The following CNTNAP2 variants were observed in gnomAD, a reference collection of about 807,000 sequenced individuals.
CNTNAP2 encodes the protein contactin-associated protein-like 2.
A neutral mutation model predicts 155.2 loss-of-function variants in CNTNAP2; 98 were observed. That is an observed-to-expected ratio of 0.63 (90% confidence interval 0.54 to 0.75). CNTNAP2 has a LOEUF of 0.75. CNTNAP2 is among the 30% of genes least tolerant of loss of function. The pLI is 0.00. For synonymous variants in CNTNAP2, 651 were observed against 631.2 expected (o/e 1.03, Z -0.47); for missense variants, 1,727 against 1,688.1 (o/e 1.02, Z -0.40).
At chr7:146,706,439 C>T (rs1263247122) in intron 1 of CNTNAP2, among the ~76,000 whole-genome samples, 1 of 151,968 alleles carries the variant, frequency 6.6e-6, no homozygotes, top group Non-Finnish European at 1.5e-5. Context: ...GCCTGGATAG[C>T]CAGGGAAGAG....
chr7:146,184,287 A>G (rs1357183390), intron 1 of CNTNAP2, among the ~76,000 whole-genome samples: 1 of 152,226 alleles, frequency 6.6e-6, no homozygotes, highest in Non-Finnish European at 1.5e-5. Context: ...TAAACAAACA[A>G]GAATCCAAAT....
At position 148,415,669 on chromosome 7, in the gene CNTNAP2, G is replaced by T; in HGVS notation, c.*53G>T. The T allele has an allele frequency of 6.2e-7, 1 of 1,606,794 alleles. No homozygotes were observed. The highest frequency in any genetic ancestry group is 8.5e-7 in the Non-Finnish European group (1 of 1,174,642). On this transcript the variant is annotated 3_prime_UTR_variant, in exon 24 of 24. Transcript: ENST00000361727. The stretch of plus-strand genomic sequence containing the variant: ...GAGGAGGGAATTACTAGGGAGGAGA[G>T]AAAGGGACAAAAGCACCCTGCTTCA...
At chr7:146,502,258 T>TAC (rs1317515306) in intron 1 of CNTNAP2, among the ~76,000 whole-genome samples, 2 of 139,362 alleles carry the variant, frequency 1.4e-5, no homozygotes, top group Non-Finnish European at 3.0e-5. Flanking sequence ...TATATATATA[T>TAC]ATGTCATATT....
chr7:147,522,266 C>G (rs1406063688), intron 11 of CNTNAP2, among the ~76,000 whole-genome samples: 1 of 152,182 alleles, frequency 6.6e-6, no homozygotes, highest in Non-Finnish European at 1.5e-5. Flanking sequence ...CACGAATATT[C>G]TGACCATAGC....
chr7:146,758,926 C>G (rs1180519052), intron 1 of CNTNAP2, among the ~76,000 whole-genome samples: 3 of 152,150 alleles, frequency 2.0e-5, no homozygotes, highest in Non-Finnish European at 4.4e-5. Context: ...ATTTCAAAAA[C>G]CTCCTACTGA....
intron 14 of CNTNAP2, among the ~76,000 whole-genome samples, chr7:147,940,622 C>A (rs1236223687): frequency 6.6e-6 from 1 of 152,124 alleles, no homozygotes; most frequent in Non-Finnish European, 1.5e-5. Context: ...GCAGCCTTAA[C>A]CTTCTGGGCT....
chr7:146,190,560 T>C (rs1798688075), intron 1 of CNTNAP2, among the ~76,000 whole-genome samples: 1 of 152,114 alleles, frequency 6.6e-6, no homozygotes, highest in Non-Finnish European at 1.5e-5. Context: ...TGGCAGGAGA[T>C]ATCATGGCTT....
chr7:147,693,350 TA>T (rs1374082127), intron 13 of CNTNAP2, among the ~76,000 whole-genome samples: 1 of 152,088 alleles, frequency 6.6e-6, no homozygotes, highest in Non-Finnish European at 1.5e-5. Flanking sequence ...ACATAATCTT[TA>T]AAGATCACTT....
chr7:147,931,190 A>C (rs1038123270), intron 14 of CNTNAP2, among the ~76,000 whole-genome samples: 4 of 149,466 alleles, frequency 2.7e-5, no homozygotes, highest in Non-Finnish European at 5.9e-5. Context: ...TGTAGATTAG[A>C]GCAGAAATAA....
chr7:147,880,993 G>T (rs889571334), intron 13 of CNTNAP2, among the ~76,000 whole-genome samples: 4 of 151,880 alleles, frequency 2.6e-5, no homozygotes, highest in Non-Finnish European at 5.9e-5. Context: ...ATGGAGAAAG[G>T]GTAGAACCCT....
intron 14 of CNTNAP2, among the ~76,000 whole-genome samples, chr7:147,929,481 A>G (rs937266375): frequency 2.0e-5 from 3 of 152,220 alleles, no homozygotes; most frequent in Admixed American, 1.3e-4. Flanking sequence ...ATTATTATGA[A>G]ATAATGTGAT....
At chr7:146,647,919 G>A (rs946700259) in intron 1 of CNTNAP2, among the ~76,000 whole-genome samples, 1 of 152,226 alleles carries the variant, frequency 6.6e-6, no homozygotes, top group Admixed American at 6.6e-5. Flanking sequence ...GCAGTTCCAT[G>A]AATTTATGGA....
chr7:147,199,287 A>G (rs902105845), intron 8 of CNTNAP2, among the ~76,000 whole-genome samples: 1 of 152,058 alleles, frequency 6.6e-6, no homozygotes, highest in Non-Finnish European at 1.5e-5. Context: ...GCATCATAGC[A>G]TGAGTTAAGG....
chr7:147,653,889 T>C (rs1369880321), intron 13 of CNTNAP2, among the ~76,000 whole-genome samples: 2 of 152,244 alleles, frequency 1.3e-5, no homozygotes, highest in East Asian at 1.9e-4. Context: ...ATATTTTATT[T>C]TGTTTTTATT....
intron 8 of CNTNAP2, among the ~76,000 whole-genome samples, chr7:147,252,172 G>A (rs1158840563): frequency 6.6e-6 from 1 of 152,166 alleles, no homozygotes; most frequent in African/African-American, 2.4e-5. Context: ...ATTTGGGTGA[G>A]GGGTGGTGGG....
intron 13 of CNTNAP2, among the ~76,000 whole-genome samples, chr7:147,669,715 T>C (rs994269548): frequency 6.6e-6 from 1 of 152,166 alleles, no homozygotes; most frequent in African/African-American, 2.4e-5. Flanking sequence ...ATTCCACTCT[T>C]CTTTTGTTTC....
chr7:146,235,714 C>A (rs974111729), intron 1 of CNTNAP2, among the ~76,000 whole-genome samples: 1 of 152,006 alleles, frequency 6.6e-6, no homozygotes, highest in South Asian at 2.1e-4. Context: ...AAACTCTCAG[C>A]CCGTTGGAAG....
chr7:147,484,994 G>T (rs1798486299), intron 10 of CNTNAP2, among the ~76,000 whole-genome samples: 1 of 152,158 alleles, frequency 6.6e-6, no homozygotes, highest in Non-Finnish European at 1.5e-5. Context: ...CAGGTTGTGG[G>T]GTAGATGGAG....
intron 1 of CNTNAP2, among the ~76,000 whole-genome samples, chr7:146,708,010 T>G (rs1800995484): frequency 6.6e-6 from 1 of 151,992 alleles, no homozygotes; most frequent in East Asian, 1.9e-4. Flanking sequence ...GTTACATGAG[T>G]GATGGGTTCT....
Sources: gnomAD v4.1 joint callset for allele counts (sites outside exome capture counted in the v4.1 genomes callset) on GRCh38, gnomAD v4.1.1 for gene constraint, MANE v1.5 for transcripts, NCBI Gene and HGNC (gene_info 2026-07-23, HGNC 2026-07-21) for gene names.